The following NIM1K variants were observed in gnomAD, a reference collection of about 807,000 sequenced individuals.
NIM1K encodes NIM1 serine/threonine protein kinase.
In NIM1K, 35 loss-of-function variants were observed where a neutral mutation model predicts 37.1. The ratio of observed to expected loss-of-function variants is 0.94; its 90% confidence interval spans 0.72 to 1.25. The LOEUF (loss-of-function observed/expected upper bound fraction) is 1.25. Among genes scored for constraint, NIM1K ranks in the 50% most tolerant of loss-of-function variants. The probability of loss-of-function intolerance (pLI) is 0.00; values close to 1 mark genes in which losing one functional copy is unlikely to be tolerated. For missense variants in NIM1K, 564 were observed against 548.0 expected (o/e 1.03, Z -0.29); for synonymous variants, 234 against 206.6 (o/e 1.13, Z -1.14).
chr5:43,230,943 G>A (rs916564637), intron 1 of NIM1K, among the ~76,000 whole-genome samples: 2 of 152,168 alleles, frequency 1.3e-5, no homozygotes, highest in East Asian at 3.8e-4. Context: ...TTTCTATATG[G>A]GTGTGTCTTG....
rs1753379813 is a variant in NIM1K, at chr5:43,278,088, C to G, written c.561+763C>G. 1.3e-5 allele frequency among the ~76,000 whole-genome samples: 2 copies of G among 150,260 alleles called. 1 individual carries two copies. The highest frequency in any genetic ancestry group is 4.2e-4 in the South Asian group (2 of 4,724). ...TTAGACAGAGTCTTCCTCTGTCACC[C>G]AGGATGGAGTGCAGTGGCATGATCT... On this transcript the variant is annotated intron_variant, in intron 3 of 3. Transcript: ENST00000326035.
intron 3 of NIM1K, among the ~76,000 whole-genome samples, chr5:43,278,055 T>C (rs974999488): frequency 1.3e-5 from 2 of 150,866 alleles, no homozygotes; most frequent in African/African-American, 2.4e-5. Context: ...TGTTTCTTTT[T>C]TTTTTTTTTA....
chr5:43,205,363 T>C (rs1417457148), intron 1 of NIM1K, among the ~76,000 whole-genome samples: 1 of 152,258 alleles, frequency 6.6e-6, no homozygotes, highest in Admixed American at 6.5e-5. Flanking sequence ...CAATGTCTGA[T>C]GTACAGTAAG....
intron 1 of NIM1K, among the ~76,000 whole-genome samples, chr5:43,235,826 T>A (rs1332651454): frequency 6.6e-6 from 1 of 151,838 alleles, no homozygotes; most frequent in African/African-American, 2.4e-5. Flanking sequence ...TACGGACCTA[T>A]GAACTATTCC....
At chr5:43,216,350 G>A (rs905406192) in intron 1 of NIM1K, among the ~76,000 whole-genome samples, 1 of 151,400 alleles carries the variant, frequency 6.6e-6, no homozygotes, top group Non-Finnish European at 1.5e-5. Context: ...AGCTGTATCA[G>A]GAGAGAAATC....
intron 1 of NIM1K, chr5:43,206,936 G>A (rs1442553850): frequency 3.9e-6 from 3 of 767,028 alleles, no homozygotes; most frequent in Admixed American, 1.7e-5. Context: ...GAGTTACAAT[G>A]GTGATGCACA....
chr5:43,274,702 A>C (rs898381489), intron 2 of NIM1K, among the ~76,000 whole-genome samples: 1 of 152,218 alleles, frequency 6.6e-6, no homozygotes, highest in Non-Finnish European at 1.5e-5. Context: ...CCCACCGCTC[A>C]GTATTGCCTC....
chr5:43,272,047 A>C (rs1216662019), intron 2 of NIM1K, among the ~76,000 whole-genome samples: 4 of 152,178 alleles, frequency 2.6e-5, no homozygotes, highest in Admixed American at 2.6e-4. Flanking sequence ...AAGGTACCAC[A>C]ATTTGTTTAA....
intron 1 of NIM1K, among the ~76,000 whole-genome samples, chr5:43,213,189 CTTTCTTTCTTTCTT>C (rs1219676077): frequency 1.7e-5 from 1 of 59,200 alleles, no homozygotes; most frequent in Non-Finnish European, 4.3e-5. Flanking sequence ...TTCTTTCTTT[CTTTCTTTCTTTCTT>C]TCTTTCTTTC....
At position 43,280,596 on chromosome 5, in the gene NIM1K, G is replaced by T; in HGVS notation, c.1178G>T (p.Arg393Ile). 6.2e-7 allele frequency: 1 copy of T among 1,614,128 alleles called. No homozygotes were observed. The highest frequency in any genetic ancestry group is 8.5e-7 in the Non-Finnish European group (1 of 1,180,020). ...GGGGTCTATAGAATTATTTTACATAGAGTCCAAAGGAAGAAGGCTTTGGAA... is the reference window on the plus strand; with the variant it reads ...GGGGTCTATAGAATTATTTTACATATAGTCCAAAGGAAGAAGGCTTTGGAA... ...ITGVYRIILHRVQRKKALESV... is the reference protein window; with the variant it reads ...ITGVYRIILHIVQRKKALESV... Residue 393 changes from arginine (R) to isoleucine (I), a missense_variant, in exon 4 of 4, where the codon AGA becomes ATA. Coordinates refer to ENST00000326035, the MANE Select transcript of NIM1K (RefSeq NM_153361.4).
Position 43,245,691 on chromosome 5 carries a change from G to A in NIM1K, c.-85G>A. 7.5e-7 allele frequency: 1 copy of A among 1,338,502 alleles called. No homozygotes were observed. Among genetic ancestry groups the A allele is most frequent in the African/African-American group, 1.5e-5 (1 of 68,332 alleles). 82.9% of individuals were successfully genotyped at this position (1,338,502 alleles called of 1,614,324 possible). On this transcript the variant is annotated 5_prime_UTR_variant, in exon 2 of 4. Transcript: ENST00000326035. ...GAACCCTGGGCACCTGCTGTCCTCA[G>A]TTGGCATCTCCCACCCTCTGAGCCT...
chr5:43,251,059 G>A (rs1752860329), intron 2 of NIM1K, among the ~76,000 whole-genome samples: 2 of 152,116 alleles, frequency 1.3e-5, no homozygotes, highest in African/African-American at 2.4e-5. Flanking sequence ...TATATGTGAA[G>A]TACATGACAT....
rs1464713599 is a variant in NIM1K at position 43,272,459 on chromosome 5, G to C, written c.293-4598G>C. 1.3e-5 allele frequency among the ~76,000 whole-genome samples: 2 copies of C among 152,064 alleles called. 1 individual carries two copies. The highest frequency in any genetic ancestry group is 4.2e-4 in the South Asian group (2 of 4,818). On this transcript the variant is annotated intron_variant, in intron 2 of 3. Transcript: ENST00000326035. The stretch of plus-strand genomic sequence containing the variant: ...CTTCTTCATTCTGCTCTCAGCCCAG[G>C]ACTACATCAAATCTCCTTAGTCCTC...
intron 2 of NIM1K, among the ~76,000 whole-genome samples, chr5:43,271,024 A>C (rs1290044807): frequency 6.6e-6 from 1 of 151,568 alleles, no homozygotes; most frequent in African/African-American, 2.4e-5. Context: ...CATAGCAGCC[A>C]GAGGTGATGT....
At chr5:43,257,597 C>T (rs555611195) in intron 2 of NIM1K, among the ~76,000 whole-genome samples, 24 of 152,046 alleles carry the variant, frequency 1.6e-4, no homozygotes, top group African/African-American at 3.6e-4. Context: ...ATCATCCACC[C>T]GCCCTGGCCT....
intron 2 of NIM1K, among the ~76,000 whole-genome samples, chr5:43,254,673 C>T (rs1039324543): frequency 1.3e-5 from 2 of 152,178 alleles, no homozygotes; most frequent in African/African-American, 2.4e-5. Context: ...CCCTGGAGGA[C>T]AGGGCTAGAG....
intron 1 of NIM1K, chr5:43,206,730 C>A (rs1225003384): frequency 5.4e-6 from 4 of 734,290 alleles, no homozygotes; most frequent in Non-Finnish European, 1.0e-5. Context: ...GCACAGCACA[C>A]TTGACTTCAT....
chr5:43,232,229 CA>C, intron 1 of NIM1K: 9 of 1,035,314 alleles, frequency 8.7e-6, no homozygotes, highest in Non-Finnish European at 1.3e-5. Flanking sequence ...AAACAGGCAG[CA>C]AGCCATGTAT....
intron 1 of NIM1K, among the ~76,000 whole-genome samples, chr5:43,244,537 G>A (rs916582931): frequency 1.3e-5 from 2 of 152,128 alleles, no homozygotes; most frequent in Non-Finnish European, 2.9e-5. Context: ...TCAAAATAAG[G>A]TGCTGGGCCT....
Sources: allele counts gnomAD v4.1 joint callset (sites outside exome capture counted in the v4.1 genomes callset), GRCh38; gene constraint gnomAD v4.1.1; transcripts MANE v1.5; gene names NCBI Gene and HGNC (gene_info 2026-07-23, HGNC 2026-07-21).